NBN: variants seen among roughly 807,000 people sequenced by gnomAD.
NBN encodes Nijmegen breakage syndrome 1 (nibrin).
NBN carries 88 observed loss-of-function variants against 90.8 expected under a neutral mutation model. The ratio of observed to expected loss-of-function variants is 0.97; its 90% CI spans 0.82 to 1.16. NBN has a LOEUF of 1.16. Ranked by LOEUF, NBN falls within the 50% of genes most tolerant of loss-of-function variation. The pLI, the probability that NBN is intolerant of heterozygous loss-of-function variation, is 0.00. For missense variants in NBN, 894 were observed against 869.6 expected, an observed-to-expected ratio of 1.03 and a Z score of -0.35; for synonymous variants, 328 against 295.1, an observed-to-expected ratio of 1.11 and a Z score of -1.14.
intron 1 of NBN, among the ~76,000 whole-genome samples, chr8:89,983,834 A>G (rs1309264584): frequency 6.6e-6 from 1 of 152,106 alleles, no homozygotes; most frequent in Non-Finnish European, 1.5e-5. Context: ...GAGTCTTCAC[A>G]GTATAAAATT....
rs1460114098 is a variant in NBN, at chr8:89,933,418, A to G, written c.*2164T>C. The G allele has an allele frequency of 8.8e-6, 2 of 227,710 alleles. No individual in the cohort carries two copies. Among genetic ancestry groups the G allele is most frequent in the Non-Finnish European group, 1.7e-5 (2 of 114,810 alleles). 14.1% of individuals were successfully genotyped at this position (227,710 alleles called of 1,614,324 possible). ...CAGTAATTCAAGGCAGTATGGTATG[A>G]GTGAGTGCAAGGATGGACAAACATT... On this transcript the variant is annotated 3_prime_UTR_variant, in exon 16 of 16. Coordinates refer to ENST00000265433, the MANE Select transcript of NBN (RefSeq NM_002485.5).
At chr8:89,984,003 A>G (rs549143236) in intron 1 of NBN, among the ~76,000 whole-genome samples, 1 of 152,370 alleles carries the variant, frequency 6.6e-6, no homozygotes, top group Non-Finnish European at 1.5e-5. Flanking sequence ...ACCGCTGGAA[A>G]TGAATGGGAA....
At chr8:89,948,128 C>T (rs569248595) in intron 11 of NBN, among the ~76,000 whole-genome samples, 17 of 152,052 alleles carry the variant, frequency 1.1e-4, no homozygotes, top group Admixed American at 2.6e-4. Flanking sequence ...GAATTGGAAG[C>T]GATCTAAATC....
intron 1 of NBN, 153 bp downstream of exon 1, chr8:89,984,372 T>C (rs1484769694): frequency 2.7e-6 from 2 of 734,254 alleles, no homozygotes; most frequent in African/African-American, 1.8e-5. Context: ...GGGAAGAATA[T>C]GCGCTTGCCA....
Position 89,933,340 on chromosome 8 carries a change from T to C in NBN, c.*2242A>G, listed in dbSNP as rs1297459939. Reference sequence around the variant, plus strand: ...TGACTTAAATACAGTATTTTCAACTTACATTGCGTTTATTACAATGTAATC... The same window carrying C: ...TGACTTAAATACAGTATTTTCAACTCACATTGCGTTTATTACAATGTAATC... On this transcript the variant is annotated 3_prime_UTR_variant, in exon 16 of 16. Transcript: ENST00000265433. The C allele has an allele frequency of 4.7e-6, 1 of 210,966 alleles. No homozygotes were observed. 13.1% of individuals were successfully genotyped at this position (210,966 alleles called of 1,614,324 possible). A position where few individuals can be genotyped will look rare whatever the true frequency, so the allele number is the denominator to read the frequency against.
Position 89,980,752 on chromosome 8 carries a change from T to C in NBN, c.462A>G (p.Ser154=), listed in dbSNP as rs1214415718. 2 of 1,612,674 alleles carry C rather than the reference T, an allele frequency of 1.2e-6. No individual in the cohort carries two copies. The highest frequency in any genetic ancestry group is 8.5e-7 in the Non-Finnish European group (1 of 1,178,854). The change falls in exon 4 of 16, where the codon TCA becomes TCG. Residue 154 remains serine (S), a synonymous_variant. Coordinates refer to ENST00000265433, the MANE Select transcript of NBN (RefSeq NM_002485.5). The part of the protein sequence containing the change: ...TEECTHLVMV[S]VKVTIKTICA... Reference sequence around the variant, plus strand: ...AACCTACTTTAATGGTAACTTTCACTGATACCATGACAAGGTGAGTGCATT... The same window carrying C: ...AACCTACTTTAATGGTAACTTTCACCGATACCATGACAAGGTGAGTGCATT...
At chr8:89,970,320 A>AT in intron 7 of NBN, 44 bp downstream of exon 7, 1 of 1,491,888 alleles carries the variant, frequency 6.7e-7, no homozygotes, top group Non-Finnish European at 9.3e-7. Context: ...TAAACATAAA[A>AT]TCTCCTACTT....
At chr8:89,958,219 G>C (rs1032525243) in intron 9 of NBN, among the ~76,000 whole-genome samples, 1 of 152,184 alleles carries the variant, frequency 6.6e-6, no homozygotes, top group African/African-American at 2.4e-5. Flanking sequence ...AGCTTTGCTA[G>C]CTTGCCCGCT....
At chr8:89,966,628 T>C (rs1811265063) in intron 7 of NBN, among the ~76,000 whole-genome samples, 1 of 152,200 alleles carries the variant, frequency 6.6e-6, no homozygotes, top group Non-Finnish European at 1.5e-5. Context: ...TCAAGTTGCC[T>C]TGTAGATTCA....
chr8:89,980,818 T>C lies in NBN; in HGVS notation c.396A>G (p.Ile132Met), dbSNP rs1060503462. The C allele has an allele frequency of 6.2e-7, 1 of 1,612,642 alleles. No homozygotes were observed. ...VSGKTALNQA[I>M]LQLGGFTVNN... Reference sequence around the variant, plus strand: ...TTACAGTAAATCCTCCAAGTTGCAATATAGCTTGATTTAAAGCAGTTTTCC... The same window carrying C: ...TTACAGTAAATCCTCCAAGTTGCAACATAGCTTGATTTAAAGCAGTTTTCC... The change falls in exon 4 of 16, where the codon ATA becomes ATG. Residue 132 changes from isoleucine (I) to methionine (M), a missense_variant. Coordinates refer to ENST00000265433, the MANE Select transcript of NBN (RefSeq NM_002485.5).
rs2129939754 is a variant in NBN, at chr8:89,984,666, G to A, written c.-105C>T. On this transcript the variant is annotated 5_prime_UTR_variant, in exon 1 of 16. Transcript: ENST00000265433. ...GGTCGGCATGGGCTCCGGGACGTGC[G>A]CGCTCCCGGGAGCCACGCAGGCTGC... is the stretch of plus-strand genomic sequence containing the variant. 1.3e-6 allele frequency: 2 copies of A among 1,527,358 alleles called. No homozygotes were observed. The highest frequency in any genetic ancestry group is 1.8e-6 in the Non-Finnish European group (2 of 1,125,852). The allele number at this position is 1,527,358 out of a possible 1,614,324, so 94.6% of individuals were successfully genotyped here. A position where few individuals can be genotyped will look rare whatever the true frequency, so the allele number is the denominator to read the frequency against.
At position 89,982,334 on chromosome 8, in the gene NBN, T is replaced by C. The variant is rs1255831654; in HGVS notation, c.171+388A>G. On this transcript the variant is annotated intron_variant, in intron 2 of 15. Coordinates refer to ENST00000265433, the MANE Select transcript of NBN (RefSeq NM_002485.5). ...AGCCAGAGTCATGAAGGTCTGTTCA[T>C]TGTTCTATTCGCAGGGTTGGCACAG... is the stretch of plus-strand genomic sequence containing the variant. 10 of 300,660 alleles carry C rather than the reference T, an allele frequency of 3.3e-5. No homozygotes were observed. In the East Asian group the frequency reaches 4.4e-4, roughly 13 times the overall value. The allele number at this position is 300,660 out of a possible 1,614,324, so 18.6% of individuals were successfully genotyped here. A position where few individuals can be genotyped will look rare whatever the true frequency, so the allele number is the denominator to read the frequency against.
Position 89,961,155 on chromosome 8 carries a change from T to C in NBN, c.995-2301A>G, listed in dbSNP as rs1384392419. On this transcript the variant is annotated intron_variant, in intron 8 of 15. Transcript: ENST00000265433. ...ACCTTAACTTTTCTCAGCCTTGGTA[T>C]ACCTTATCTTTTAATAGAACGATTA... 3.3e-5 allele frequency among the ~76,000 whole-genome samples: 5 copies of C among 152,206 alleles called. 1 individual carries two copies. In the South Asian group the frequency reaches 6.2e-4, roughly 19 times the overall value.
At chr8:89,959,482 G>C (rs1810888978) in intron 8 of NBN, among the ~76,000 whole-genome samples, 1 of 152,200 alleles carries the variant, frequency 6.6e-6, no homozygotes, top group Non-Finnish European at 1.5e-5. Flanking sequence ...GCCAGGTGCA[G>C]TGGTTCACGC....
chr8:89,958,287 G>A (rs920893749), intron 9 of NBN, among the ~76,000 whole-genome samples: 1 of 152,218 alleles, frequency 6.6e-6, no homozygotes, highest in Non-Finnish European at 1.5e-5. Context: ...TACCGTGGCT[G>A]AGAGATAAGG....
intron 11 of NBN, among the ~76,000 whole-genome samples, chr8:89,950,096 T>G (rs1478982224): frequency 6.6e-6 from 1 of 152,190 alleles, no homozygotes; most frequent in Non-Finnish European, 1.5e-5. Flanking sequence ...TCAAACAGTT[T>G]TTAAAAGTAA....
chr8:89,981,463 C>CA lies in NBN; in HGVS notation c.231dup (p.Val78CysfsTer2), dbSNP rs1586108827. On this transcript the variant is annotated frameshift_variant, in exon 3 of 16. Coordinates refer to ENST00000265433, the MANE Select transcript of NBN (RefSeq NM_002485.5). LOFTEE classifies it high-confidence loss of function. ...CCATTCTGCATTTTTTCCTCATTAA[C>CA]AAAGGTACCATACTTAGAATTATCT... is the stretch of plus-strand genomic sequence containing the variant. The CA allele has an allele frequency of 2.5e-6, 4 of 1,613,778 alleles. No homozygotes were observed. The highest frequency in any genetic ancestry group is 3.4e-6 in the Non-Finnish European group (4 of 1,179,722).
intron 10 of NBN, among the ~76,000 whole-genome samples, chr8:89,954,681 A>T (rs1810615310): frequency 6.6e-6 from 1 of 152,144 alleles, no homozygotes; most frequent in African/African-American, 2.4e-5. Context: ...TCAGTAATAA[A>T]GTCTCAAAAC....
chr8:89,981,386 T>C lies in NBN; in HGVS notation c.309A>G (p.Gly103=). ...SGDGITFGVF[G]SKFRIEYEPL... is the part of the protein sequence containing the mutation. ...TTAAAATGTCTTACCTGAATTTACT[T>C]CCAAACACTCCAAAAGTAATACCAT... The change falls in exon 3 of 16, where the codon GGA becomes GGG. Residue 103 remains glycine (G), a synonymous_variant. Coordinates refer to ENST00000265433, the MANE Select transcript of NBN (RefSeq NM_002485.5). 6.2e-7 allele frequency: 1 copy of C among 1,613,976 alleles called. No homozygotes were observed. The highest frequency in any genetic ancestry group is 8.5e-7 in the Non-Finnish European group (1 of 1,179,964).
Sources: gnomAD v4.1 joint callset for allele counts (sites outside exome capture counted in the v4.1 genomes callset) on GRCh38, gnomAD v4.1.1 for gene constraint, MANE v1.5 for transcripts, NCBI Gene and HGNC (gene_info 2026-07-23, HGNC 2026-07-21) for gene names.